Variants in CLHC1 observed in about 807,000 individuals in gnomAD.
CLHC1 encodes the protein clathrin heavy chain linker domain containing 1, also known as clathrin heavy chain linker domain-containing protein 1.
Under a neutral mutation model 69.5 loss-of-function variants are expected in CLHC1, and 72 were observed. The observed-to-expected ratio is 1.04, with a 90% CI of 0.86 to 1.26. CLHC1 has a LOEUF of 1.26. CLHC1 is among the 50% of genes most tolerant of loss of function. The pLI, the probability that CLHC1 is intolerant of heterozygous loss-of-function variation, is 0.00. For missense variants in CLHC1, 790 were observed against 679.3 expected, an observed-to-expected ratio of 1.16 and a Z score of -1.81; for synonymous variants, 223 against 224.3, an observed-to-expected ratio of 0.99 and a Z score of 0.05.
intron 11 of CLHC1, 61 bp downstream of exon 11, chr2:55,180,449 G>T: frequency 8.2e-7 from 1 of 1,224,712 alleles, no homozygotes. Context: ...GCTATTATGG[G>T]TAATCTTACA....
At chr2:55,180,410 T>C (rs1669811719) in intron 11 of CLHC1, 100 bp downstream of exon 11, 1 of 800,046 alleles carries the variant, frequency 1.2e-6, no homozygotes, top group Non-Finnish European at 2.0e-6. Context: ...ATAAAATTGA[T>C]TTTATAACGT....
chr2:55,187,186 G>A (rs1349436692), intron 9 of CLHC1, among the ~76,000 whole-genome samples: 1 of 151,934 alleles, frequency 6.6e-6, no homozygotes, highest in Non-Finnish European at 1.5e-5. Flanking sequence ...TCCTGAAGCA[G>A]GAGAATCGCT....
rs1022660195 is a variant in CLHC1, at chr2:55,173,966, T to C, written c.*1824A>G. Among the ~76,000 whole-genome samples the C allele has an allele frequency of 3.3e-5, 5 of 149,990 alleles. No individual in the cohort carries two copies. Among genetic ancestry groups the C allele is most frequent in the Non-Finnish European group, 7.4e-5 (5 of 67,802 alleles). ...AAGACATTTTTTTTTCTAAGCTCTG[T>C]CAATGGACACATAATAGCTTTCTAT... On this transcript the variant is annotated 3_prime_UTR_variant, in exon 13 of 13. Coordinates refer to ENST00000401408, the MANE Select transcript of CLHC1 (RefSeq NM_152385.4).
At chr2:55,205,363 C>T (rs939781929) in intron 9 of CLHC1, among the ~76,000 whole-genome samples, 6 of 151,530 alleles carry the variant, frequency 4.0e-5, no homozygotes, top group Non-Finnish European at 7.4e-5. Context: ...AGAGAATCAA[C>T]CTAAGTGTCC....
intron 9 of CLHC1, among the ~76,000 whole-genome samples, chr2:55,191,937 G>A (rs1470100913): frequency 6.6e-6 from 1 of 152,102 alleles, no homozygotes; most frequent in Non-Finnish European, 1.5e-5. Flanking sequence ...AGAAGTTTGG[G>A]TTGTAATGCA....
At chr2:55,177,064 G>A (rs1445094010) in intron 12 of CLHC1, among the ~76,000 whole-genome samples, 4 of 152,064 alleles carry the variant, frequency 2.6e-5, no homozygotes, top group Admixed American at 6.6e-5. Context: ...ATAGAGACAC[G>A]GTTTTGCCAT....
intron 11 of CLHC1, among the ~76,000 whole-genome samples, chr2:55,178,317 T>C (rs1237258836): frequency 6.6e-6 from 1 of 152,204 alleles, no homozygotes; most frequent in East Asian, 1.9e-4. Context: ...AATTCAAAAA[T>C]GAAAACTTTA....
At position 55,179,979 on chromosome 2, in the gene CLHC1, C is replaced by A. The variant is rs565592707; in HGVS notation, c.1384+531G>T. On this transcript the variant is annotated intron_variant, in intron 11 of 12. Coordinates refer to ENST00000401408, the MANE Select transcript of CLHC1 (RefSeq NM_152385.4). The stretch of plus-strand genomic sequence containing the variant: ...ACCATCCTGGCTAACACGGTGAAAC[C>A]CTGTCTCTACCAAAAATACAAAAAG... Among the ~76,000 whole-genome samples, 4 of 152,060 alleles carry A rather than the reference C, an allele frequency of 2.6e-5. No individual in the cohort carries two copies. The East Asian group carries it at 7.7e-4, about 29-fold the overall frequency.
intron 11 of CLHC1, among the ~76,000 whole-genome samples, chr2:55,180,177 C>A (rs1394956484): frequency 2.0e-5 from 3 of 151,648 alleles, no homozygotes; most frequent in Non-Finnish European, 4.4e-5. Context: ...ATATATATAT[C>A]TCACAAATAA....
chr2:55,181,522 T>C, intron 10 of CLHC1, 48 bp downstream of exon 10: 1 of 1,405,300 alleles, frequency 7.1e-7, no homozygotes, highest in Non-Finnish European at 9.8e-7. Flanking sequence ...AACAAACAAC[T>C]TTATTAACGA....
At chr2:55,221,488 T>C (rs937205985) in intron 3 of CLHC1, among the ~76,000 whole-genome samples, 1 of 152,198 alleles carries the variant, frequency 6.6e-6, no homozygotes, top group African/African-American at 2.4e-5. Context: ...AGAACTCCAA[T>C]CTACAAGGAA....
chr2:55,209,064 G>A (rs771707962), intron 7 of CLHC1, among the ~76,000 whole-genome samples: 3 of 151,752 alleles, frequency 2.0e-5, no homozygotes, highest in Admixed American at 6.6e-5. Context: ...TAGTAGAGAC[G>A]GGGTTTCACT....
intron 9 of CLHC1, among the ~76,000 whole-genome samples, chr2:55,196,994 G>A (rs1381315410): frequency 6.6e-6 from 1 of 152,140 alleles, no homozygotes; most frequent in Non-Finnish European, 1.5e-5. Flanking sequence ...TTCAGGCCTG[G>A]TAGCATTCAC....
chr2:55,194,723 G>T (rs1194093157), intron 9 of CLHC1, among the ~76,000 whole-genome samples: 1 of 152,068 alleles, frequency 6.6e-6, no homozygotes, highest in African/African-American at 2.4e-5. Flanking sequence ...AAAGTCAACT[G>T]AATTTTTTTA....
chr2:55,214,749 T>C (rs1673335001), intron 4 of CLHC1: 1 of 152,204 alleles, frequency 6.6e-6, no homozygotes, highest in Admixed American at 6.5e-5. Flanking sequence ...GATACTTGTA[T>C]ATGAATTTTC....
At chr2:55,183,304 A>T (rs1274851925) in intron 9 of CLHC1, among the ~76,000 whole-genome samples, 1 of 152,218 alleles carries the variant, frequency 6.6e-6, no homozygotes, top group African/African-American at 2.4e-5. Flanking sequence ...AGCGAGTGAA[A>T]AAAAGCTATG....
At position 55,175,918 on chromosome 2, in the gene CLHC1, TATTTGCCACTTC is replaced by T; in HGVS notation, c.1621_1632del (p.Glu541_Asn544del). The stretch of plus-strand genomic sequence containing the variant: ...TTGTCAAAGCCATTCTGTGAACATA[TATTTGCCACTTC>T]TTGCCACTTTTCTATGGAGCAAAAG... On this transcript the variant is annotated inframe_deletion, in exon 13 of 13. Coordinates refer to ENST00000401408, the MANE Select transcript of CLHC1 (RefSeq NM_152385.4). 2 of 1,614,056 alleles carry T rather than the reference TATTTGCCACTTC, an allele frequency of 1.2e-6. No individual in the cohort carries two copies. Among genetic ancestry groups the T allele is most frequent in the South Asian group, 2.2e-5 (2 of 91,084 alleles).
Position 55,175,783 on chromosome 2 carries a change from T to C in CLHC1, c.*7A>G. The C allele has an allele frequency of 6.2e-7, 1 of 1,611,724 alleles. No homozygotes were observed. Among genetic ancestry groups the C allele is most frequent in the East Asian group, 2.2e-5 (1 of 44,834 alleles). On this transcript the variant is annotated 3_prime_UTR_variant, in exon 13 of 13. Coordinates refer to ENST00000401408, the MANE Select transcript of CLHC1 (RefSeq NM_152385.4). ...TACAAGCTCCCTCAGCTGGTTAAGATATAGAACTACCAAAACACATGTTCC... is the reference window on the plus strand; with the variant it reads ...TACAAGCTCCCTCAGCTGGTTAAGACATAGAACTACCAAAACACATGTTCC...
At chr2:55,188,650 A>C (rs548745792) in intron 9 of CLHC1, among the ~76,000 whole-genome samples, 24 of 152,314 alleles carry the variant, frequency 1.6e-4, no homozygotes, top group African/African-American at 5.8e-4. Context: ...TTTTCATAGC[A>C]AAATTGTTTA....
Sources: allele counts gnomAD v4.1 joint callset (sites outside exome capture counted in the v4.1 genomes callset), GRCh38; gene constraint gnomAD v4.1.1; transcripts MANE v1.5; gene names NCBI Gene and HGNC (gene_info 2026-07-23, HGNC 2026-07-21).